ST7L: variants seen among roughly 807,000 people sequenced by gnomAD.
ST7L encodes suppressor of tumorigenicity 7 protein-like.
Under a neutral mutation model 72.5 loss-of-function variants are expected in ST7L, and 57 were observed. The observed-to-expected ratio is 0.79, with a 90% CI of 0.64 to 0.98. The LOEUF (loss-of-function observed/expected upper bound fraction) is 0.98. Ranked by LOEUF, ST7L falls within the 50% of genes least tolerant of loss-of-function variation. The pLI, the probability that ST7L is intolerant of heterozygous loss-of-function variation, is 0.00. For missense variants in ST7L, 576 were observed against 672.2 expected (o/e 0.86, Z 1.58); for synonymous variants, 221 against 240.9 (o/e 0.92, Z 0.77).
chr1:112,590,224 T>C (rs751182057), intron 6 of ST7L, among the ~76,000 whole-genome samples: 1 of 152,122 alleles, frequency 6.6e-6, no homozygotes, highest in Non-Finnish European at 1.5e-5. Flanking sequence ...GAAAATAAGG[T>C]CCATTCCACT....
chr1:112,615,167 G>A (rs1669674617), intron 2 of ST7L, among the ~76,000 whole-genome samples: 1 of 151,820 alleles, frequency 6.6e-6, no homozygotes, highest in African/African-American at 2.4e-5. Flanking sequence ...CCTAATTTTT[G>A]TATTTTTTTG....
At chr1:112,533,973 C>A (rs1295506325) in intron 14 of ST7L, among the ~76,000 whole-genome samples, 1 of 152,196 alleles carries the variant, frequency 6.6e-6, no homozygotes, top group Non-Finnish European at 1.5e-5. Context: ...AGCCACCATG[C>A]ACAGCTTTCA....
At chr1:112,602,841 G>A (rs1296984583) in intron 3 of ST7L, among the ~76,000 whole-genome samples, 3 of 149,310 alleles carry the variant, frequency 2.0e-5, no homozygotes, top group Non-Finnish European at 3.0e-5. Context: ...TCAGCCTCCC[G>A]AGTAGCTGGG....
At chr1:112,592,145 A>G (rs1356358557) in intron 5 of ST7L, among the ~76,000 whole-genome samples, 2 of 152,036 alleles carry the variant, frequency 1.3e-5, no homozygotes, top group African/African-American at 2.4e-5. Flanking sequence ...GTCAGCCTCT[A>G]TCAGGATTCA....
intron 11 of ST7L, chr1:112,570,826 T>A: frequency 2.2e-6 from 1 of 448,256 alleles, no homozygotes; most frequent in Non-Finnish European, 4.4e-6. Flanking sequence ...GTTATTTAAG[T>A]GAGATATTAT....
intron 6 of ST7L, among the ~76,000 whole-genome samples, chr1:112,586,588 T>C (rs753822727): frequency 3.3e-5 from 5 of 152,214 alleles, no homozygotes; most frequent in African/African-American, 4.8e-5. Context: ...TATATGCTTA[T>C]ATTTTGAATG....
At chr1:112,618,050 C>T (rs1205144733) in intron 1 of ST7L, 1 of 1,303,792 alleles carries the variant, frequency 7.7e-7, no homozygotes, top group African/African-American at 1.5e-5. Flanking sequence ...ACATTTGCTG[C>T]CTTTTGCTTC....
intron 11 of ST7L, among the ~76,000 whole-genome samples, chr1:112,565,230 T>TTTTTC (rs1660815735): frequency 7.3e-6 from 1 of 137,200 alleles, no homozygotes; most frequent in African/African-American, 2.7e-5. Flanking sequence ...TTTTTTTTTT[T>TTTTTC]TTTTTTTTTT....
rs1013703506 is a variant in ST7L, at chr1:112,543,258, A to G, written c.1490-1168T>C. Reference sequence around the variant, plus strand: ...GCATTTCATTAGGCACTGTAAAACTAAAGTAGGTAAGACGGGAGCAGTGGC... The same window carrying G: ...GCATTTCATTAGGCACTGTAAAACTGAAGTAGGTAAGACGGGAGCAGTGGC... On this transcript the variant is annotated intron_variant, in intron 13 of 14. Coordinates refer to ENST00000358039, the MANE Select transcript of ST7L (RefSeq NM_017744.5). Among the ~76,000 whole-genome samples, 63 of 152,220 alleles carry G rather than the reference A, an allele frequency of 4.1e-4. 1 individual carries two copies. Among genetic ancestry groups the G allele is most frequent in the Admixed American group, 3.7e-3 (57 of 15,280 alleles).
At chr1:112,546,332 AAAAAG>A (rs963954898) in intron 13 of ST7L, among the ~76,000 whole-genome samples, 2 of 151,888 alleles carry the variant, frequency 1.3e-5, no homozygotes, top group African/African-American at 4.8e-5. Context: ...AAAAAAAAAA[AAAAAG>A]AGAGAAAAGA....
In ST7L at chr1:112,593,283, A is replaced by G. The variant is rs1007275779; in HGVS notation, c.623-1680T>C. ...AATAAAGTTGATGGGGGAAAAATGTATATATTTTTTTCTAAAATAAGGCTT... is the reference window on the plus strand; with the variant it reads ...AATAAAGTTGATGGGGGAAAAATGTGTATATTTTTTTCTAAAATAAGGCTT... On this transcript the variant is annotated intron_variant, in intron 5 of 14. Coordinates refer to ENST00000358039, the MANE Select transcript of ST7L (RefSeq NM_017744.5). Among the ~76,000 whole-genome samples the G allele has an allele frequency of 1.4e-4, 22 of 152,326 alleles. No homozygotes were observed. In the East Asian group the frequency reaches 3.1e-3, roughly 21 times the overall value.
intron 13 of ST7L, among the ~76,000 whole-genome samples, chr1:112,548,181 C>T (rs919223781): frequency 6.6e-6 from 1 of 151,882 alleles, no homozygotes; most frequent in Non-Finnish European, 1.5e-5. Context: ...ATGGTGAAAC[C>T]CTGTCTGTAC....
At position 112,598,086 on chromosome 1, in the gene ST7L, T is replaced by A; in HGVS notation, c.507A>T (p.Arg169Ser). 4 of 1,607,478 alleles carry A rather than the reference T, an allele frequency of 2.5e-6. No individual in the cohort carries two copies. Among genetic ancestry groups the A allele is most frequent in the Non-Finnish European group, 2.6e-6 (3 of 1,176,306 alleles). The change falls in exon 5 of 15, where the codon AGA becomes AGT. Residue 169 changes from arginine to serine, a missense_variant and splice_region_variant. Physicochemically the swap from Arg to Ser is moderately radical, Grantham distance 110 (BLOSUM62 -1). Coordinates refer to ENST00000358039, the MANE Select transcript of ST7L (RefSeq NM_017744.5). Reference sequence around the variant, plus strand: ...GCTCTTTACCAGTCACCCAAGTGTATCTTTACCAAAACACAACAAAATATT... The same window carrying A: ...GCTCTTTACCAGTCACCCAAGTGTAACTTTACCAAAACACAACAAAATATT... ...LNLFRGAEYR[R>S]YTWVTGKEPL...
At chr1:112,561,549 C>T (rs1226888902) in intron 11 of ST7L, among the ~76,000 whole-genome samples, 5 of 151,766 alleles carry the variant, frequency 3.3e-5, no homozygotes, top group Admixed American at 6.6e-5. Flanking sequence ...GGCGTGATCT[C>T]GGCTCAGTGC....
intron 13 of ST7L, among the ~76,000 whole-genome samples, chr1:112,546,443 G>A (rs1390298517): frequency 6.6e-6 from 1 of 152,090 alleles, no homozygotes; most frequent in Non-Finnish European, 1.5e-5. Flanking sequence ...TGGCCACATG[G>A]TTGTCTATGA....
At chr1:112,547,326 G>A (rs1036389287) in intron 13 of ST7L, among the ~76,000 whole-genome samples, 2 of 151,590 alleles carry the variant, frequency 1.3e-5, no homozygotes, top group Non-Finnish European at 2.9e-5. Flanking sequence ...CTGAGTAGCT[G>A]GGATTACAGG....
rs889050395 is a variant in ST7L at position 112,555,231 on chromosome 1, C to A, written c.1396+637G>T. The stretch of plus-strand genomic sequence containing the variant: ...CGGAAAACAAAACAAAACAAAAAGA[C>A]CAATTTTTAAAATATTAGAATAGCT... On this transcript the variant is annotated intron_variant, in intron 12 of 14. Coordinates refer to ENST00000358039, the MANE Select transcript of ST7L (RefSeq NM_017744.5). Among the ~76,000 whole-genome samples the A allele has an allele frequency of 3.5e-3, 491 of 141,884 alleles. 2 individuals carry two copies. The highest frequency in any genetic ancestry group is 0.012 in the African/African-American group (471 of 38,282). 93.1% of individuals were successfully genotyped at this position (141,884 alleles called of 152,430 possible). A position where few individuals can be genotyped will look rare whatever the true frequency, so the allele number is the denominator to read the frequency against.
downstream of ST7L, chr1:112,520,718 G>C (rs1488076434): frequency 3.3e-6 from 2 of 599,632 alleles, no homozygotes; most frequent in African/African-American, 1.9e-5. Context: ...AACTGAGCAA[G>C]CTCCCTGATT....
chr1:112,527,835 C>A (rs1269033701), intron 14 of ST7L: 1 of 152,192 alleles, frequency 6.6e-6, no homozygotes, highest in African/African-American at 2.4e-5. Context: ...CAACCCTGAA[C>A]ACATGCGCTG....
Sources: allele counts gnomAD v4.1 joint callset (sites outside exome capture counted in the v4.1 genomes callset), GRCh38; gene constraint gnomAD v4.1.1; transcripts MANE v1.5; gene names NCBI Gene and HGNC (gene_info 2026-07-23, HGNC 2026-07-21).